AP1M2: variants seen among roughly 807,000 people sequenced by gnomAD.
AP1M2 encodes the protein AP-1 complex subunit mu-2.
In AP1M2, 41 loss-of-function variants were observed where a neutral mutation model predicts 54.6. The observed-to-expected ratio is 0.75, with a 90% CI of 0.59 to 0.97. The LOEUF (loss-of-function observed/expected upper bound fraction) is 0.97, where lower values mean the gene tolerates loss of function less well. Among genes scored for constraint, AP1M2 ranks in the 50% least tolerant of loss-of-function variants. The pLI is 0.00. For synonymous variants in AP1M2, 219 were observed against 215.9 expected (o/e 1.01, Z -0.13); for missense variants, 507 against 561.2 (o/e 0.90, Z 0.98).
At position 10,578,944 on chromosome 19, in the gene AP1M2, ATCCAGAT is replaced by A; in HGVS notation, c.829_835del (p.Ile277LeufsTer63). On this transcript the variant is annotated frameshift_variant, in exon 8 of 12. Transcript: ENST00000250244. LOFTEE classifies it high-confidence loss of function. ...GGAGAACTTCTCAATGACAGACTCA[ATCCAGAT>A]CAGTGGCTTGACCTGTGGGAAGAAG... is the stretch of plus-strand genomic sequence containing the variant. 6.2e-7 allele frequency: 1 copy of A among 1,608,524 alleles called. No homozygotes were observed. Among genetic ancestry groups the A allele is most frequent in the Non-Finnish European group, 8.5e-7 (1 of 1,177,616 alleles).
chr19:10,581,332 A>G lies in AP1M2; in HGVS notation c.607T>C (p.Phe203Leu). Reference sequence around the variant, plus strand: ...CGCAGCTCTGGCATTCCTGACAGAAACACCTTGAGCTTGATGGTACCGACG... The same window carrying G: ...CGCAGCTCTGGCATTCCTGACAGAAGCACCTTGAGCTTGATGGTACCGACG... ...EIVGTIKLKV[F>L]LSGMPELRLG... The change falls in exon 6 of 12, where the codon TTT becomes CTT. Residue 203 changes from phenylalanine (F) to leucine (L), a missense_variant. Physicochemically the swap from Phe to Leu is conservative, Grantham distance 22 (BLOSUM62 0). Transcript: ENST00000250244. 6.2e-7 allele frequency: 1 copy of G among 1,613,908 alleles called. No individual in the cohort carries two copies. The highest frequency in any genetic ancestry group is 8.5e-7 in the Non-Finnish European group (1 of 1,179,804).
chr19:10,574,951 T>TG lies in AP1M2; in HGVS notation c.1125dup (p.Ile376HisfsTer6). 2.5e-6 allele frequency: 4 copies of TG among 1,596,734 alleles called. No homozygotes were observed. The highest frequency in any genetic ancestry group is 2.3e-5 in the East Asian group (1 of 43,982). On this transcript the variant is annotated frameshift_variant, in exon 10 of 12. Transcript: ENST00000250244. LOFTEE classifies it high-confidence loss of function. ...TAGGGGATCTCAAACTTGACCCCGATGGGGGGCCGGCCCTCCACCTCTTCC... is the reference window on the plus strand; with the variant it reads ...TAGGGGATCTCAAACTTGACCCCGATGGGGGGGCCGGCCCTCCACCTCTTCC...
chr19:10,581,971 A>T, intron 3 of AP1M2, 93 bp from the exon 4 acceptor site: 1 of 1,377,106 alleles, frequency 7.3e-7, no homozygotes, highest in Non-Finnish European at 9.7e-7. Context: ...TGGGAGGCCA[A>T]GGCACGAGGA....
chr19:10,579,631 G>A (rs1917367721), intron 7 of AP1M2, 85 bp downstream of exon 7: 1 of 1,445,058 alleles, frequency 6.9e-7, no homozygotes, highest in Non-Finnish European at 9.3e-7. Flanking sequence ...TGGGATTACA[G>A]GCGTGAGCCA....
chr19:10,577,819 C>T (rs1441839925), intron 8 of AP1M2, among the ~76,000 whole-genome samples: 1 of 151,572 alleles, frequency 6.6e-6, no homozygotes, highest in South Asian at 2.1e-4. Context: ...TCACGGCAAC[C>T]TCCGCCTCCT....
chr19:10,573,283 A>G (rs764936144), intron 11 of AP1M2, among the ~76,000 whole-genome samples, 195 bp from the exon 12 acceptor site: 46 of 151,996 alleles, frequency 3.0e-4, no homozygotes, highest in Admixed American at 1.8e-3. Flanking sequence ...GCTGGGTATG[A>G]TGGTGCACAC....
At chr19:10,585,317 AAGAAAGAAAGAAAGAAAG>A (rs1568434848) in intron 1 of AP1M2, among the ~76,000 whole-genome samples, 3 of 143,160 alleles carry the variant, frequency 2.1e-5, no homozygotes, top group Non-Finnish European at 3.2e-5. Context: ...GAAAGAAAGA[AAGAAAGAAAGAAAGAAAG>A]AAAGAAAGAA....
Position 10,581,890 on chromosome 19 carries a change from A to G in AP1M2, c.268-12T>C. ...TATTCGCAGAATACCTGGGGGTTGG[A>G]GGAGAGAGAGACCCACAAAAGTGTG... is the stretch of plus-strand genomic sequence containing the variant. On this transcript the variant is annotated splice_polypyrimidine_tract_variant and intron_variant, in intron 3 of 11. Coordinates refer to ENST00000250244, the MANE Select transcript of AP1M2 (RefSeq NM_005498.5). 1 of 1,579,988 alleles carries G rather than the reference A, an allele frequency of 6.3e-7. No individual in the cohort carries two copies.
chr19:10,572,970 A>G lies in AP1M2; in HGVS notation c.*96T>C. The G allele has an allele frequency of 7.4e-7, 1 of 1,347,746 alleles. No individual in the cohort carries two copies. Among genetic ancestry groups the G allele is most frequent in the Non-Finnish European group, 1.0e-6 (1 of 963,868 alleles). The allele number at this position is 1,347,746 out of a possible 1,614,324, so 83.5% of individuals were successfully genotyped here. A position where few individuals can be genotyped will look rare whatever the true frequency, so the allele number is the denominator to read the frequency against. On this transcript the variant is annotated 3_prime_UTR_variant, in exon 12 of 12. Coordinates refer to ENST00000250244, the MANE Select transcript of AP1M2 (RefSeq NM_005498.5). ...ACTGCCAAGTCCAGGACCTGCCCTC[A>G]CACAGACACACACAGCCCGCACCTG... is the stretch of plus-strand genomic sequence containing the variant.
chr19:10,585,291 G>GAAAGAAAGAAAGAA (rs1917608115), intron 1 of AP1M2, among the ~76,000 whole-genome samples: 1 of 81,932 alleles, frequency 1.2e-5, no homozygotes, highest in Non-Finnish European at 2.5e-5. Flanking sequence ...AAAAAAGAAA[G>GAAAGAAAGAAAGAA]AAAGAAAGAA....
In AP1M2 at chr19:10,581,289, C is replaced by A. The variant is rs781427984; in HGVS notation, c.650G>T (p.Arg217Leu). The A allele has an allele frequency of 1.2e-6, 2 of 1,613,668 alleles. No individual in the cohort carries two copies. Among genetic ancestry groups the A allele is most frequent in the Non-Finnish European group, 1.7e-6 (2 of 1,179,618 alleles). Residue 217 changes from arginine to leucine, a missense_variant, in exon 6 of 12, where the codon CGC becomes CTC. By Grantham distance (102) the Arg-to-Leu change is moderately radical. Transcript: ENST00000250244. ...ACGGCCAGTGAGCTCGAAGAGCACG[C>A]GGTCATTGAGGCCCAGCCGCAGCTC... Reference protein sequence around the residue: ...MPELRLGLNDRVLFELTGRSK... With the variant: ...MPELRLGLNDLVLFELTGRSK...
At chr19:10,581,222 C>A in intron 6 of AP1M2, 44 bp downstream of exon 6, 2 of 1,561,574 alleles carry the variant, frequency 1.3e-6, no homozygotes, top group South Asian at 1.2e-5. Flanking sequence ...GGGTTTGCGA[C>A]TCCCCTGTGC....
chr19:10,577,615 T>C (rs1280793306), intron 8 of AP1M2, among the ~76,000 whole-genome samples: 1 of 151,426 alleles, frequency 6.6e-6, no homozygotes, highest in Non-Finnish European at 1.5e-5. Context: ...TTTTGTATTC[T>C]TAGTAGAGAC....
Position 10,574,559 on chromosome 19 carries a change from A to C in AP1M2, c.1174-67T>G, listed in dbSNP as rs1917163052. ...GAGGAGGCCAGGGCCAGGGAGAAAG[A>C]GACGGCTTAGGCCAAGCGGCTATGT... On this transcript the variant is annotated intron_variant, in intron 10 of 11. Transcript: ENST00000250244. The C allele has an allele frequency of 2.2e-6, 3 of 1,381,676 alleles. No homozygotes were observed. The African/African-American group carries it at 4.3e-5, about 20-fold the overall frequency. The allele number at this position is 1,381,676 out of a possible 1,614,324, so 85.6% of individuals were successfully genotyped here.
chr19:10,579,012 CTTCT>C (rs1216715152), intron 7 of AP1M2, 49 bp from the exon 8 acceptor site: 7 of 930,656 alleles, frequency 7.5e-6, no homozygotes, highest in Non-Finnish European at 1.1e-5. Context: ...TGTTGACTCT[CTTCT>C]TTTTTTTTTT....
chr19:10,575,100 C>T, intron 9 of AP1M2, 71 bp from the exon 10 acceptor site: 2 of 1,400,380 alleles, frequency 1.4e-6, no homozygotes. Flanking sequence ...TTCAGCAACC[C>T]CTGGAGTCAG....
intron 11 of AP1M2, among the ~76,000 whole-genome samples, chr19:10,573,416 C>G (rs1047540490): frequency 9.2e-5 from 14 of 151,720 alleles, no homozygotes; most frequent in African/African-American, 3.4e-4. Flanking sequence ...GAGATTCCAT[C>G]TCAAAAAAGA....
intron 1 of AP1M2, among the ~76,000 whole-genome samples, chr19:10,584,440 C>T (rs1041150471): frequency 6.6e-6 from 1 of 151,986 alleles, no homozygotes; most frequent in East Asian, 1.9e-4. Flanking sequence ...ATTAGCCGGG[C>T]GTGATGGCGT....
chr19:10,581,863 A>G lies in AP1M2; in HGVS notation c.283T>C (p.Phe95Leu), dbSNP rs1309319708. ...ATGCTCTCCTCCTCCAGCTCCTTGA[A>G]GTATTCGCAGAATACCTGGGGGTTG... is the stretch of plus-strand genomic sequence containing the variant. ...YKTIEVFCEY[F>L]KELEEESIRD... The change falls in exon 4 of 12, where the codon TTC becomes CTC. Residue 95 changes from phenylalanine (F) to leucine (L), a missense_variant. Physicochemically the swap from Phe to Leu is conservative, Grantham distance 22 (BLOSUM62 0). Coordinates refer to ENST00000250244, the MANE Select transcript of AP1M2 (RefSeq NM_005498.5). 6.2e-7 allele frequency: 1 copy of G among 1,612,700 alleles called. No homozygotes were observed.
Sources: gnomAD v4.1 joint callset for allele counts (sites outside exome capture counted in the v4.1 genomes callset) on GRCh38, gnomAD v4.1.1 for gene constraint, MANE v1.5 for transcripts, NCBI Gene and HGNC (gene_info 2026-07-23, HGNC 2026-07-21) for gene names.